The following SLC29A2 variants were observed in gnomAD, a reference collection of about 807,000 sequenced individuals.
SLC29A2 encodes solute carrier family 29 member 2.
Under a neutral mutation model 48.8 loss-of-function variants are expected in SLC29A2, and 37 were observed. The observed-to-expected ratio is 0.76, with a 90% confidence interval of 0.58 to 1.00. The LOEUF (loss-of-function observed/expected upper bound fraction) is 1.00. SLC29A2 is among the 50% of genes least tolerant of loss of function. The pLI is 0.00. For synonymous variants in SLC29A2, 233 were observed against 261.7 expected, an observed-to-expected ratio of 0.89 and a Z score of 1.06; for missense variants, 533 against 578.6, an observed-to-expected ratio of 0.92 and a Z score of 0.81.
chr11:66,363,807 C>T (rs941242262), intron 11 of SLC29A2: 4 of 548,356 alleles, frequency 7.3e-6, no homozygotes, highest in Non-Finnish European at 1.3e-5. Context: ...GCCTGTCTGC[C>T]CTGCCAGCTT....
In SLC29A2 at chr11:66,363,509, A is replaced by G. The variant is rs1855489385; in HGVS notation, c.1298T>C (p.Leu433Pro). Residue 433 changes from leucine (L) to proline (P), a missense_variant, in exon 12 of 12, where the codon CTC becomes CCC. Leu to Pro is a moderately conservative substitution (Grantham distance 98). Transcript: ENST00000357440. ...LPHEREVAGA[L>P]MTFFLALGLS... ...TCCCAGGGCCAGGAAGAAGGTCATGAGGGCGCCGGCCACCTCCCTCTCGTG... is the reference window on the plus strand; with the variant it reads ...TCCCAGGGCCAGGAAGAAGGTCATGGGGGCGCCGGCCACCTCCCTCTCGTG... 1 of 1,614,056 alleles carries G rather than the reference A, an allele frequency of 6.2e-7. No homozygotes were observed. The highest frequency in any genetic ancestry group is 1.3e-5 in the African/African-American group (1 of 75,054).
chr11:66,363,384 C>T lies in SLC29A2; in HGVS notation c.*52G>A. ...CCATTCGCCCTGGGCTGGATCTCAGCTCCGGAAGGAGACGTCGAGAAGAGG... is the reference window on the plus strand; with the variant it reads ...CCATTCGCCCTGGGCTGGATCTCAGTTCCGGAAGGAGACGTCGAGAAGAGG... On this transcript the variant is annotated 3_prime_UTR_variant, in exon 12 of 12. Transcript: ENST00000357440. The T allele has an allele frequency of 7.0e-7, 1 of 1,432,520 alleles. No individual in the cohort carries two copies. Among genetic ancestry groups the T allele is most frequent in the Non-Finnish European group, 9.8e-7 (1 of 1,018,660 alleles). 88.7% of individuals were successfully genotyped at this position (1,432,520 alleles called of 1,614,324 possible). A position where few individuals can be genotyped will look rare whatever the true frequency, so the allele number is the denominator to read the frequency against.
intron 6 of SLC29A2, 74 bp from the exon 7 acceptor site, chr11:66,367,622 C>A: frequency 3.2e-6 from 5 of 1,562,438 alleles, no homozygotes; most frequent in Non-Finnish European, 4.4e-6. Flanking sequence ...ATACCATTGG[C>A]CTGGAGGCTG....
upstream of SLC29A2, chr11:66,372,242 G>C (rs572615697): frequency 6.6e-6 from 1 of 152,240 alleles, no homozygotes; most frequent in Non-Finnish European, 1.5e-5. Flanking sequence ...GGCGGGCTTC[G>C]CCGCGCTGGG....
intron 11 of SLC29A2, 88 bp downstream of exon 11, chr11:66,364,137 G>A: frequency 8.9e-7 from 1 of 1,123,214 alleles, no homozygotes. Context: ...AGCAGGATGG[G>A]CCGTCCCTCC....
At chr11:66,366,060 C>T in intron 9 of SLC29A2, 39 bp from the exon 10 acceptor site, 2 of 1,609,148 alleles carry the variant, frequency 1.2e-6, no homozygotes, top group Non-Finnish European at 1.7e-6. Flanking sequence ...TGGTCTCCAA[C>T]TCCCCTCTCC....
At chr11:66,369,787 G>A (rs1855928575) in intron 2 of SLC29A2, among the ~76,000 whole-genome samples, 1 of 152,148 alleles carries the variant, frequency 6.6e-6, no homozygotes, top group Non-Finnish European at 1.5e-5. Context: ...CTCCTCTTCA[G>A]TGCCCTGGTT....
In SLC29A2 at chr11:66,369,519, C is replaced by T. The variant is rs756704433; in HGVS notation, c.125G>A (p.Arg42Gln). ...FITAIPYFQA[R>Q]LAGAGNSTAR... is the part of the protein sequence containing the mutation. ...TGTGCTGTTGCCGGCCCCGGCCAGT[C>T]GCGCCTGGAAGTACTGCCAGGTGGG... The change falls in exon 3 of 12, where the codon CGA (arginine) becomes CAA (glutamine). Residue 42 changes from arginine to glutamine, a missense_variant. Arg to Gln is a conservative substitution (Grantham distance 43). Transcript: ENST00000357440. The T allele has an allele frequency of 2.4e-5, 39 of 1,613,828 alleles. No homozygotes were observed. The highest frequency in any genetic ancestry group is 3.1e-5 in the Non-Finnish European group (37 of 1,179,926).
chr11:66,362,909 GTAA>G lies in SLC29A2; in HGVS notation c.*524_*526del. On this transcript the variant is annotated 3_prime_UTR_variant, in exon 12 of 12. Transcript: ENST00000357440. ...AGCTGGGCTCTGCGGAGTGGGTACAGTAAGTGTTGGCAATGAAAACACTGCTTG... is the reference window on the plus strand; with the variant it reads ...AGCTGGGCTCTGCGGAGTGGGTACAGGTGTTGGCAATGAAAACACTGCTTG... The G allele has an allele frequency of 4.9e-6, 1 of 204,716 alleles. No individual in the cohort carries two copies. Among genetic ancestry groups the G allele is most frequent in the East Asian group, 1.2e-4 (1 of 8,218 alleles). 12.7% of individuals were successfully genotyped at this position (204,716 alleles called of 1,614,324 possible).
Position 66,368,671 on chromosome 11 carries a change from G to A in SLC29A2, c.416C>T (p.Ser139Phe), listed in dbSNP as rs1020700270. 1 of 1,595,938 alleles carries A rather than the reference G, an allele frequency of 6.3e-7. No individual in the cohort carries two copies. The highest frequency in any genetic ancestry group is 1.3e-5 in the African/African-American group (1 of 74,772). ...GCTGCCCTGTAGGACTGCACTGAAG[G>A]CTGTGGAGGACAGGGATGGGGGCTG... is the stretch of plus-strand genomic sequence containing the variant. The part of the protein sequence containing the change: ...ITMASVCFIN[S>F]FSAVLQGSLF... Residue 139 changes from serine (S) to phenylalanine (F), a missense_variant and splice_region_variant, in exon 5 of 12, where the codon TCC (serine) becomes TTC (phenylalanine). Transcript: ENST00000357440.
chr11:66,369,507 GC>G lies in SLC29A2; in HGVS notation c.136del (p.Ala46ProfsTer9). ...IPYFQARLAG[A>X]GNSTARILST... ...CAGGATCCTGGCTGTGCTGTTGCCG[GC>G]CCCGGCCAGTCGCGCCTGGAAGTAC... On this transcript the variant is annotated frameshift_variant, in exon 3 of 12. Transcript: ENST00000357440. LOFTEE classifies it high-confidence loss of function. The G allele has an allele frequency of 1.2e-6, 2 of 1,613,888 alleles. No homozygotes were observed. Among genetic ancestry groups the G allele is most frequent in the South Asian group, 1.1e-5 (1 of 91,078 alleles).
chr11:66,371,661 A>C lies in SLC29A2; in HGVS notation c.-70T>G. ...CGCACCTGCACCTGCGCTGGGGCGG[A>C]GGGCCGCAGACCGGTGGGGCGGGGG... On this transcript the variant is annotated 5_prime_UTR_variant, in exon 1 of 12. Coordinates refer to ENST00000357440, the MANE Select transcript of SLC29A2 (RefSeq NM_001532.3). 2.2e-6 allele frequency: 3 copies of C among 1,391,678 alleles called. No individual in the cohort carries two copies. Among genetic ancestry groups the C allele is most frequent in the Non-Finnish European group, 2.9e-6 (3 of 1,020,202 alleles). The allele number at this position is 1,391,678 out of a possible 1,614,324, so 86.2% of individuals were successfully genotyped here.
rs1356657508 is a variant in SLC29A2 at position 66,371,322 on chromosome 11, G to A, written c.33C>T (p.Tyr11=). The A allele has an allele frequency of 6.2e-7, 1 of 1,613,662 alleles. No individual in the cohort carries two copies. Among genetic ancestry groups the A allele is most frequent in the Non-Finnish European group, 8.5e-7 (1 of 1,179,938 alleles). MARGDAPRDS[Y]HLVGISFFIL... ...TGAAGAAGCTGATCCCGACCAGGTG[G>A]TAGCTGTGGGGATCGGTGGGAAGGT... The change falls in exon 2 of 12, where the codon TAC becomes TAT. Residue 11 remains tyrosine, a synonymous_variant. Transcript: ENST00000357440.
intron 8 of SLC29A2, 99 bp from the exon 9 acceptor site, chr11:66,366,330 C>A (rs1049271247): frequency 1.8e-5 from 29 of 1,605,278 alleles, no homozygotes; most frequent in East Asian, 6.7e-5. Flanking sequence ...GGGGCCTGGC[C>A]CAGCTGTGTC....
chr11:66,368,507 C>G, intron 5 of SLC29A2, 30 bp downstream of exon 5: 1 of 1,613,108 alleles, frequency 6.2e-7, no homozygotes, highest in Non-Finnish European at 8.5e-7. Context: ...AGAGGCCACC[C>G]CAGCCCTCCA....
intron 11 of SLC29A2, chr11:66,363,903 A>T: frequency 2.0e-6 from 1 of 509,186 alleles, no homozygotes; most frequent in South Asian, 2.2e-5. Context: ...CTCTCCTTCA[A>T]CTGAGAATTT....
rs1855891384 is a variant in SLC29A2, at chr11:66,369,285, A to AGGGCTGGG, written c.275+76_275+83dup. ...GGCTCGACACCTGGGGCTGGGCAGT[A>AGGGCTGGG]GGGCTGGGGGGCAGGGGGCGCAGGG... is the stretch of plus-strand genomic sequence containing the variant. On this transcript the variant is annotated intron_variant, in intron 3 of 11. Transcript: ENST00000357440. 3 of 1,471,206 alleles carry AGGGCTGGG rather than the reference A, an allele frequency of 2.0e-6. No homozygotes were observed. In the Admixed American group the frequency reaches 5.4e-5, roughly 26 times the overall value. 91.1% of individuals were successfully genotyped at this position (1,471,206 alleles called of 1,614,324 possible). A position where few individuals can be genotyped will look rare whatever the true frequency, so the allele number is the denominator to read the frequency against.
chr11:66,370,271 G>A (rs1053178576), intron 2 of SLC29A2, among the ~76,000 whole-genome samples: 6 of 152,160 alleles, frequency 3.9e-5, no homozygotes, highest in African/African-American at 1.4e-4. Flanking sequence ...CTCCCCTGGG[G>A]ACCCACTGCA....
intron 5 of SLC29A2, 124 bp downstream of exon 5, chr11:66,368,413 A>C (rs1032148489): frequency 2.6e-5 from 34 of 1,320,510 alleles, no homozygotes; most frequent in Non-Finnish European, 3.3e-5. Flanking sequence ...CCCAATCCCC[A>C]TTTCCATATC....
Sources: allele counts gnomAD v4.1 joint callset (sites outside exome capture counted in the v4.1 genomes callset), GRCh38; gene constraint gnomAD v4.1.1; transcripts MANE v1.5; gene names NCBI Gene and HGNC (gene_info 2026-07-23, HGNC 2026-07-21).